NTRK3: variants seen among roughly 807,000 people sequenced by gnomAD.
NTRK3 encodes the protein NT-3 growth factor receptor.
NTRK3 carries 24 observed loss-of-function variants against 91.7 expected under a neutral mutation model. The observed-to-expected ratio is 0.26, with a 90% CI of 0.19 to 0.37. The LOEUF (loss-of-function observed/expected upper bound fraction) is 0.37. Among genes scored for constraint, NTRK3 ranks in the 10% least tolerant of loss-of-function variants. NTRK3 has a pLI of 1.00. For missense variants in NTRK3, 880 were observed against 1,068.9 expected (o/e 0.82, Z 2.46); for synonymous variants, 483 against 404.0 (o/e 1.20, Z -2.34).
intron 17 of NTRK3, among the ~76,000 whole-genome samples, chr15:87,910,841 T>C (rs1027898280): frequency 6.6e-6 from 1 of 152,176 alleles, no homozygotes; most frequent in Admixed American, 6.5e-5. Flanking sequence ...TTATTAATAA[T>C]GTCATTCAAC....
At position 87,872,075 on chromosome 15, in the gene NTRK3, T is replaced by C. The variant is rs1426934601; in HGVS notation, c.*4860A>G. On this transcript the variant is annotated 3_prime_UTR_variant, in exon 19 of 19. Transcript: ENST00000394480. Reference sequence around the variant, plus strand: ...CCGGAACTAAATGTGCCATTTTTTTTTCTCTCTAAGGCAAATGCCCTTGAG... The same window carrying C: ...CCGGAACTAAATGTGCCATTTTTTTCTCTCTCTAAGGCAAATGCCCTTGAG... 34 of 221,706 alleles carry C rather than the reference T, an allele frequency of 1.5e-4. No homozygotes were observed. In the East Asian group the frequency reaches 2.2e-3, roughly 15 times the overall value. The allele number at this position is 221,706 out of a possible 1,614,324, so 13.7% of individuals were successfully genotyped here. A position where few individuals can be genotyped will look rare whatever the true frequency, so the allele number is the denominator to read the frequency against.
intron 3 of NTRK3, among the ~76,000 whole-genome samples, chr15:88,226,904 G>C (rs559786168): frequency 6.6e-5 from 10 of 152,328 alleles, no homozygotes; most frequent in Non-Finnish European, 1.0e-4. Flanking sequence ...GGCTCAGAGA[G>C]GTTAAGTATC....
chr15:88,105,910 G>C (rs182875038), intron 13 of NTRK3, among the ~76,000 whole-genome samples: 14 of 152,314 alleles, frequency 9.2e-5, no homozygotes, highest in Middle Eastern at 3.4e-3. Flanking sequence ...AGTTCAGAAA[G>C]TTTAAGTGAC....
chr15:88,124,877 A>C (rs1465900297), intron 13 of NTRK3, among the ~76,000 whole-genome samples: 1 of 152,258 alleles, frequency 6.6e-6, no homozygotes, highest in African/African-American at 2.4e-5. Flanking sequence ...CAGATGACTT[A>C]AGAAAAACTA....
chr15:88,141,133 T>C (rs990082187), intron 6 of NTRK3, among the ~76,000 whole-genome samples: 4 of 151,976 alleles, frequency 2.6e-5, no homozygotes, highest in Non-Finnish European at 4.4e-5. Flanking sequence ...ACCAAGGTCC[T>C]AGAAGGGGAA....
At chr15:87,999,218 T>C (rs114033096) in intron 14 of NTRK3, among the ~76,000 whole-genome samples, 3 of 152,290 alleles carry the variant, frequency 2.0e-5, no homozygotes, top group African/African-American at 7.2e-5. Context: ...AGCTGGAAAG[T>C]ATAATACTGC....
intron 13 of NTRK3, among the ~76,000 whole-genome samples, 158 bp from the exon 14 acceptor site, chr15:88,033,203 TATATATATATATAA>T (rs1482960978): frequency 8.2e-5 from 10 of 121,730 alleles, no homozygotes; most frequent in African/African-American, 3.3e-4. Flanking sequence ...TATATATATA[TATATATATATATAA>T]ATTCAGTTGT....
chr15:88,093,330 G>A (rs1419747045), intron 13 of NTRK3, among the ~76,000 whole-genome samples: 1 of 152,106 alleles, frequency 6.6e-6, no homozygotes, highest in Admixed American at 6.5e-5. Context: ...GAAAGGAAGG[G>A]ATGATATTCT....
At chr15:88,194,356 G>A (rs1057136719) in intron 3 of NTRK3, among the ~76,000 whole-genome samples, 1 of 152,212 alleles carries the variant, frequency 6.6e-6, no homozygotes, top group Non-Finnish European at 1.5e-5. Flanking sequence ...GCACTCAAAT[G>A]TGCATCTCTG....
chr15:88,140,414 C>T (rs2042279483), intron 6 of NTRK3, among the ~76,000 whole-genome samples: 1 of 152,224 alleles, frequency 6.6e-6, no homozygotes, highest in Admixed American at 6.5e-5. Flanking sequence ...GCTACATGCA[C>T]CCAGATGGGG....
chr15:88,184,742 G>A (rs868381993), intron 3 of NTRK3, among the ~76,000 whole-genome samples: 9 of 152,128 alleles, frequency 5.9e-5, no homozygotes, highest in African/African-American at 9.7e-5. Context: ...AAAAAAGGAC[G>A]GGGTGGCCGG....
At chr15:88,159,450 A>C (rs2044230143) in intron 5 of NTRK3, among the ~76,000 whole-genome samples, 1 of 152,126 alleles carries the variant, frequency 6.6e-6, no homozygotes, top group Non-Finnish European at 1.5e-5. Flanking sequence ...TGAGTTTCTG[A>C]TTCAGCAGGC....
intron 7 of NTRK3, 44 bp from the exon 8 acceptor site, chr15:88,136,653 C>T (rs772557004): frequency 4.4e-6 from 7 of 1,596,922 alleles, no homozygotes; most frequent in South Asian, 1.1e-5. Context: ...CAAACACTTA[C>T]TACCCAAAGG....
chr15:87,904,791 T>C (rs8042101), intron 17 of NTRK3, among the ~76,000 whole-genome samples: 3,204 of 152,304 alleles, frequency 0.021, 135 homozygotes, highest in African/African-American at 0.071. Context: ...TTTACCCTGA[T>C]TCCCAGCTGG....
intron 14 of NTRK3, among the ~76,000 whole-genome samples, chr15:87,970,836 G>T (rs960513473): frequency 6.6e-6 from 1 of 152,166 alleles, no homozygotes; most frequent in Non-Finnish European, 1.5e-5. Context: ...TCTGCAAGTT[G>T]GGGATTTCAA....
intron 3 of NTRK3, among the ~76,000 whole-genome samples, chr15:88,246,952 G>A (rs2052890693): frequency 6.6e-6 from 1 of 152,162 alleles, no homozygotes; most frequent in African/African-American, 2.4e-5. Context: ...TCCCGCCCTG[G>A]GAAGCCATCA....
chr15:88,176,055 C>A (rs901090970), intron 5 of NTRK3, among the ~76,000 whole-genome samples: 2 of 151,248 alleles, frequency 1.3e-5, no homozygotes, highest in East Asian at 1.9e-4. Flanking sequence ...GGTGATACTG[C>A]GATATGATTC....
chr15:88,178,154 G>T (rs1206391999), intron 5 of NTRK3, among the ~76,000 whole-genome samples: 1 of 152,128 alleles, frequency 6.6e-6, no homozygotes, highest in Non-Finnish European at 1.5e-5. Context: ...AATCCTTTTG[G>T]GACTTGGAGA....
intron 14 of NTRK3, among the ~76,000 whole-genome samples, chr15:87,961,362 G>A (rs918800016): frequency 5.9e-5 from 9 of 152,190 alleles, no homozygotes; most frequent in Non-Finnish European, 8.8e-5. Context: ...ATATGCCACC[G>A]ATCCCTAAAA....
Sources: gnomAD v4.1 joint callset for allele counts (sites outside exome capture counted in the v4.1 genomes callset) on GRCh38, gnomAD v4.1.1 for gene constraint, MANE v1.5 for transcripts, NCBI Gene and HGNC (gene_info 2026-07-23, HGNC 2026-07-21) for gene names.